Variants in MYO16 observed in about 807,000 individuals in gnomAD.
The protein encoded by MYO16 is unconventional myosin-XVI.
A neutral mutation model predicts 205.3 loss-of-function variants in MYO16; 94 were observed. The observed-to-expected ratio is 0.46, with a 90% CI of 0.39 to 0.54. MYO16 has a LOEUF of 0.54. Among genes scored for constraint, MYO16 ranks in the 20% least tolerant of loss-of-function variants. MYO16 has a pLI of 0.00. For synonymous variants in MYO16, 988 were observed against 954.0 expected, an observed-to-expected ratio of 1.04 and a Z score of -0.66; for missense variants, 2,315 against 2,387.5, an observed-to-expected ratio of 0.97 and a Z score of 0.63.
chr13:109,144,620 T>G (rs1877245569), intron 32 of MYO16, among the ~76,000 whole-genome samples: 1 of 152,242 alleles, frequency 6.6e-6, no homozygotes, highest in Non-Finnish European at 1.5e-5. Flanking sequence ...GACATTTTTA[T>G]TTTCACCGTG....
chr13:109,016,220 A>T (rs566999666), intron 22 of MYO16, among the ~76,000 whole-genome samples: 16 of 152,220 alleles, frequency 1.1e-4, no homozygotes, highest in Middle Eastern at 3.4e-3. Context: ...TTCGTGATTT[A>T]CCCAGTAGTC....
At chr13:108,987,793 T>C (rs763768019) in intron 20 of MYO16, among the ~76,000 whole-genome samples, 20 of 152,214 alleles carry the variant, frequency 1.3e-4, no homozygotes, top group Non-Finnish European at 2.6e-4. Flanking sequence ...CTGAGGATAA[T>C]TGAGGACAAA....
intron 34 of MYO16, among the ~76,000 whole-genome samples, chr13:109,186,737 A>G (rs139843767): frequency 1.9e-4 from 29 of 152,296 alleles, no homozygotes; most frequent in African/African-American, 7.0e-4. Flanking sequence ...ATTTCTTAAG[A>G]ACATGTTTAC....
chr13:108,813,063 G>C (rs1222048616), intron 7 of MYO16, among the ~76,000 whole-genome samples: 1 of 152,156 alleles, frequency 6.6e-6, no homozygotes, highest in African/African-American at 2.4e-5. Context: ...CATAAAAGGA[G>C]ACTGAGGAGG....
At chr13:109,198,370 T>A (rs534488785) in intron 34 of MYO16, among the ~76,000 whole-genome samples, 1 of 152,228 alleles carries the variant, frequency 6.6e-6, no homozygotes, top group African/African-American at 2.4e-5. Context: ...TTTAAATAGG[T>A]CACTAAAATC....
At chr13:108,562,332 T>C in the MYO16 span, among the ~76,000 whole-genome samples, 2 of 152,000 alleles carry the variant, frequency 1.3e-5, no homozygotes, top group South Asian at 2.1e-4. Context: ...TACCATCACA[T>C]TGGGGTTAGT....
intron 27 of MYO16, among the ~76,000 whole-genome samples, chr13:109,079,323 C>A (rs1888210234): frequency 6.6e-6 from 1 of 151,942 alleles, no homozygotes; most frequent in South Asian, 2.1e-4. Flanking sequence ...ACTATTGCTC[C>A]ATCATGGCTG....
At chr13:108,899,146 T>G (rs1213421941) in intron 15 of MYO16, among the ~76,000 whole-genome samples, 8 of 152,148 alleles carry the variant, frequency 5.3e-5, no homozygotes, top group Admixed American at 5.2e-4. Flanking sequence ...AGTATGAGCC[T>G]GGTGCAGTGG....
intron 5 of MYO16, among the ~76,000 whole-genome samples, chr13:108,786,390 A>C (rs9514911): frequency 0.34 from 51,877 of 152,088 alleles, 10,065 homozygotes; most frequent in East Asian, 0.63. Flanking sequence ...ATCCCTGAGC[A>C]CAATATAGTA....
chr13:108,604,867 A>G (rs143026201), intron 1 of MYO16, among the ~76,000 whole-genome samples: 2 of 152,292 alleles, frequency 1.3e-5, no homozygotes, highest in East Asian at 3.9e-4. Context: ...AGTTCATGGT[A>G]ATGGGTACCA....
rs552675889 is a variant in MYO16, at chr13:108,633,484, G to T, written c.28+3612G>T. ...AGATGTAGGCTGGAAGACTCAGCCA[G>T]CCTGGTTCTTCCATGTTCCTCTGCC... On this transcript the variant is annotated intron_variant, in intron 1 of 34. Transcript: ENST00000457511. Among the ~76,000 whole-genome samples, 3 of 152,316 alleles carry T rather than the reference G, an allele frequency of 2.0e-5. No individual in the cohort carries two copies. In the South Asian group the frequency reaches 6.2e-4, roughly 32 times the overall value.
intron 17 of MYO16, among the ~76,000 whole-genome samples, chr13:108,959,120 T>C (rs1883487330): frequency 6.6e-6 from 1 of 152,086 alleles, no homozygotes; most frequent in Non-Finnish European, 1.5e-5. Context: ...CAGGGGCACC[T>C]TGCTGCACCC....
chr13:109,155,392 A>T (rs552869932), intron 32 of MYO16, among the ~76,000 whole-genome samples: 1 of 152,186 alleles, frequency 6.6e-6, no homozygotes, highest in Non-Finnish European at 1.5e-5. Flanking sequence ...TGGTGATTTC[A>T]TAAGGGGTTA....
chr13:108,545,974 GTCTA>G, the MYO16 span, among the ~76,000 whole-genome samples: 1 of 152,236 alleles, frequency 6.6e-6, no homozygotes, highest in Non-Finnish European at 1.5e-5. Flanking sequence ...CAATCTCTCA[GTCTA>G]TTCTAGTGAC....
intron 5 of MYO16, 93 bp downstream of exon 5, chr13:108,785,836 A>T (rs1886442443): frequency 1.2e-6 from 1 of 823,864 alleles, no homozygotes; most frequent in East Asian, 2.6e-5. Flanking sequence ...ATGATTTCCG[A>T]TGGATGTAGT....
intron 32 of MYO16, among the ~76,000 whole-genome samples, chr13:109,145,919 C>T (rs1226918758): frequency 6.6e-6 from 1 of 151,952 alleles, no homozygotes; most frequent in African/African-American, 2.4e-5. Context: ...ACAGCCAGGC[C>T]GAATTAACGA....
intron 32 of MYO16, among the ~76,000 whole-genome samples, chr13:109,152,149 T>C (rs1877706065): frequency 6.6e-6 from 1 of 152,256 alleles, no homozygotes; most frequent in Non-Finnish European, 1.5e-5. Flanking sequence ...TGTCTCTTGG[T>C]ATTTAACTAC....
intron 12 of MYO16, among the ~76,000 whole-genome samples, chr13:108,868,651 G>C (rs192362958): frequency 6.6e-6 from 1 of 151,946 alleles, no homozygotes; most frequent in Admixed American, 6.6e-5. Context: ...AGCTGGGCTC[G>C]GTGGCTCACG....
At chr13:108,657,777 C>G (rs556197129) in intron 1 of MYO16, among the ~76,000 whole-genome samples, 7 of 152,288 alleles carry the variant, frequency 4.6e-5, no homozygotes, top group Admixed American at 3.9e-4. Flanking sequence ...ACAATAATAA[C>G]TGACTTTTTT....
Sources: allele counts gnomAD v4.1 joint callset (sites outside exome capture counted in the v4.1 genomes callset), GRCh38; gene constraint gnomAD v4.1.1; transcripts MANE v1.5; gene names NCBI Gene and HGNC (gene_info 2026-07-23, HGNC 2026-07-21).